CAMK4: variants seen among roughly 807,000 people sequenced by gnomAD.
CAMK4 encodes the protein calcium/calmodulin dependent protein kinase IV, also known as calcium/calmodulin-dependent protein kinase type IV.
In CAMK4, 22 loss-of-function variants were observed where a neutral mutation model predicts 44.9. That is an observed-to-expected ratio of 0.49 (90% CI 0.35 to 0.70). CAMK4 has a LOEUF of 0.70. CAMK4 is among the 30% of genes least tolerant of loss of function. The probability of loss-of-function intolerance (pLI) is 0.01; values close to 1 mark genes in which losing one functional copy is unlikely to be tolerated. For synonymous variants in CAMK4, 218 were observed against 215.4 expected, an observed-to-expected ratio of 1.01 and a Z score of -0.11; for missense variants, 498 against 586.8, an observed-to-expected ratio of 0.85 and a Z score of 1.56.
intron 1 of CAMK4, among the ~76,000 whole-genome samples, chr5:111,272,058 G>A (rs1293665260): frequency 6.6e-6 from 1 of 151,808 alleles, no homozygotes; most frequent in East Asian, 1.9e-4. Flanking sequence ...TTTGTTACTG[G>A]TATGAATCAT....
chr5:111,235,167 A>C (rs1044157812), intron 1 of CAMK4, among the ~76,000 whole-genome samples: 1 of 152,206 alleles, frequency 6.6e-6, no homozygotes, highest in Non-Finnish European at 1.5e-5. Flanking sequence ...TTAATTTAGT[A>C]AGCAGCTGCC....
intron 5 of CAMK4, among the ~76,000 whole-genome samples, chr5:111,418,300 A>C (rs563205343): frequency 6.6e-6 from 1 of 152,198 alleles, no homozygotes; most frequent in African/African-American, 2.4e-5. Context: ...GGTCACAGAC[A>C]TCAAGTACTT....
chr5:111,419,960 G>T (rs1338225598), intron 5 of CAMK4, among the ~76,000 whole-genome samples: 1 of 152,100 alleles, frequency 6.6e-6, no homozygotes, highest in Non-Finnish European at 1.5e-5. Context: ...CTTTAAAGTA[G>T]TTTTTTCCAA....
chr5:111,346,168 A>G (rs1488244014), intron 2 of CAMK4, among the ~76,000 whole-genome samples: 1 of 151,936 alleles, frequency 6.6e-6, no homozygotes, highest in Non-Finnish European at 1.5e-5. Flanking sequence ...AAGGAAATGA[A>G]TGAAGCCTAA....
chr5:111,313,000 C>A (rs1748273804), intron 1 of CAMK4, among the ~76,000 whole-genome samples: 2 of 152,102 alleles, frequency 1.3e-5, no homozygotes, highest in Admixed American at 1.3e-4. Context: ...GGATTTGAGA[C>A]CTTTCACTAC....
chr5:111,230,188 G>C (rs1032762555), intron 1 of CAMK4, among the ~76,000 whole-genome samples: 9 of 152,060 alleles, frequency 5.9e-5, no homozygotes, highest in Non-Finnish European at 7.4e-5. Context: ...AATCAGCATT[G>C]GTTTTCTTTC....
intron 1 of CAMK4, among the ~76,000 whole-genome samples, chr5:111,255,428 G>C (rs958286906): frequency 1.3e-5 from 2 of 152,142 alleles, no homozygotes; most frequent in African/African-American, 4.8e-5. Context: ...GTTTATTTTT[G>C]TGTGTAGTAG....
At chr5:111,235,477 T>C (rs1748672083) in intron 1 of CAMK4, among the ~76,000 whole-genome samples, 1 of 152,210 alleles carries the variant, frequency 6.6e-6, no homozygotes, top group Admixed American at 6.5e-5. Flanking sequence ...CCCTGGGCTC[T>C]TCCTCTCTTT....
chr5:111,437,381 T>C (rs1753683033), intron 5 of CAMK4, among the ~76,000 whole-genome samples: 1 of 152,186 alleles, frequency 6.6e-6, no homozygotes, highest in African/African-American at 2.4e-5. Flanking sequence ...ATAGGAAAAT[T>C]GAGTTATTTA....
Position 111,406,038 on chromosome 5 carries a change from T to C in CAMK4, c.459+11256T>C, listed in dbSNP as rs938735465. On this transcript the variant is annotated intron_variant, in intron 5 of 10. Transcript: ENST00000282356. The stretch of plus-strand genomic sequence containing the variant: ...AATGAGAACTTTTCATCAAACTTTC[T>C]CACCTTTATTAACACTTAGCATTAC... Among the ~76,000 whole-genome samples the C allele has an allele frequency of 1.3e-5, 2 of 149,512 alleles. 1 individual carries two copies.
intron 1 of CAMK4, among the ~76,000 whole-genome samples, chr5:111,299,627 A>G (rs1428035): frequency 0.027 from 4,150 of 152,344 alleles, 83 homozygotes; most frequent in South Asian, 0.052. Context: ...GATTATATTT[A>G]GTATGTTTTA....
At chr5:111,396,658 T>TTTTTTTTGG (rs1752023463) in intron 5 of CAMK4, among the ~76,000 whole-genome samples, 1 of 128,482 alleles carries the variant, frequency 7.8e-6, no homozygotes, top group Non-Finnish European at 1.7e-5. Flanking sequence ...TTTTTTTTTT[T>TTTTTTTTGG]GAGATGGAGT....
chr5:111,259,899 C>G (rs1174881942), intron 1 of CAMK4, among the ~76,000 whole-genome samples: 1 of 152,034 alleles, frequency 6.6e-6, no homozygotes, highest in African/African-American at 2.4e-5. Flanking sequence ...GGAAAAATGC[C>G]AGTTGAAGAT....
chr5:111,437,429 T>C (rs1753685088), intron 5 of CAMK4, among the ~76,000 whole-genome samples: 1 of 152,188 alleles, frequency 6.6e-6, no homozygotes, highest in Non-Finnish European at 1.5e-5. Flanking sequence ...GCATAGTTAG[T>C]GTTAGGCTCT....
rs1747230427 is a variant in CAMK4, at chr5:111,290,994, A to C, written c.162-53030A>C. Among the ~76,000 whole-genome samples the C allele has an allele frequency of 6.6e-6, 1 of 152,232 alleles. No homozygotes were observed. Among genetic ancestry groups the C allele is most frequent in the African/African-American group, 2.4e-5 (1 of 41,454 alleles). On this transcript the variant is annotated intron_variant, in intron 1 of 10. Coordinates refer to ENST00000282356, the MANE Select transcript of CAMK4 (RefSeq NM_001744.6). The surrounding 1 kb of genome is among the most constrained non-coding windows in gnomAD (Gnocchi z 4.5). ...TGGGAAATTCTAAGGCAAGAATCTC[A>C]GAATCAATGTTCTTGTGGTTTGTGT...
chr5:111,367,907 G>C (rs1750854914), intron 2 of CAMK4, among the ~76,000 whole-genome samples: 2 of 152,044 alleles, frequency 1.3e-5, no homozygotes, highest in Admixed American at 6.6e-5. Flanking sequence ...ATGACCTGCT[G>C]TATGTCTTTA....
Position 111,297,252 on chromosome 5 carries a change from G to T in CAMK4, c.162-46772G>T, listed in dbSNP as rs549039075. 2.6e-5 allele frequency among the ~76,000 whole-genome samples: 4 copies of T among 152,234 alleles called. No homozygotes were observed. The South Asian group carries it at 8.3e-4, about 32-fold the overall frequency. On this transcript the variant is annotated intron_variant, in intron 1 of 10. Coordinates refer to ENST00000282356, the MANE Select transcript of CAMK4 (RefSeq NM_001744.6). ...TTGAAATCCAATGGAAAACAATGAG[G>T]CATTCTCTTCTTTTTTTCCAAAAAT...
chr5:111,250,662 C>T (rs1749446318), intron 1 of CAMK4, among the ~76,000 whole-genome samples: 1 of 152,042 alleles, frequency 6.6e-6, no homozygotes, highest in African/African-American at 2.4e-5. Flanking sequence ...CTATTCTTAC[C>T]TAGATCCTGT....
At chr5:111,462,733 A>T (rs767134371) in intron 7 of CAMK4, among the ~76,000 whole-genome samples, 19 of 152,230 alleles carry the variant, frequency 1.2e-4, no homozygotes, top group Middle Eastern at 3.2e-3. Context: ...AAAAGAAGGC[A>T]AATTTAGCAC....
Sources: allele counts gnomAD v4.1 joint callset (sites outside exome capture counted in the v4.1 genomes callset), GRCh38; gene constraint gnomAD v4.1.1; non-coding constraint Gnocchi (gnomAD v3.1); transcripts MANE v1.5; gene names NCBI Gene and HGNC (gene_info 2026-07-23, HGNC 2026-07-21).